SKAP2: variants seen among roughly 807,000 people sequenced by gnomAD.
SKAP2 encodes the protein src kinase-associated phosphoprotein 2.
A neutral mutation model predicts 54.9 loss-of-function variants in SKAP2; 28 were observed. That is an observed-to-expected ratio of 0.51 (90% CI 0.38 to 0.70). SKAP2 has a LOEUF of 0.70. SKAP2 is among the 30% of genes least tolerant of loss of function. The pLI is 0.00. For missense variants in SKAP2, 356 were observed against 424.1 expected (o/e 0.84, Z 1.41); for synonymous variants, 137 against 134.3 (o/e 1.02, Z -0.14).
chr7:26,806,206 A>G (rs1784021190), intron 4 of SKAP2, among the ~76,000 whole-genome samples: 1 of 152,170 alleles, frequency 6.6e-6, no homozygotes, highest in Non-Finnish European at 1.5e-5. Flanking sequence ...AATTAGGCCA[A>G]TTAATAACCC....
At chr7:26,683,139 T>C (rs1786542675) in intron 11 of SKAP2, among the ~76,000 whole-genome samples, 1 of 152,232 alleles carries the variant, frequency 6.6e-6, no homozygotes, top group Non-Finnish European at 1.5e-5. Context: ...TTATACACAA[T>C]TGCAGCTAAA....
intron 7 of SKAP2, 151 bp downstream of exon 7, chr7:26,726,731 A>T (rs1015857727): frequency 3.4e-6 from 2 of 581,376 alleles, no homozygotes; most frequent in Non-Finnish European, 2.7e-6. Flanking sequence ...ATTTCCTCTT[A>T]TATGAATGTT....
At chr7:26,786,891 G>A (rs1783558509) in intron 4 of SKAP2, among the ~76,000 whole-genome samples, 1 of 151,484 alleles carries the variant, frequency 6.6e-6, no homozygotes, top group Admixed American at 6.6e-5. Flanking sequence ...TTCTTTTTTA[G>A]ACAGCAATTA....
chr7:26,814,203 C>T (rs1291313540), intron 4 of SKAP2, among the ~76,000 whole-genome samples: 6 of 152,120 alleles, frequency 3.9e-5, no homozygotes, highest in Non-Finnish European at 7.4e-5. Flanking sequence ...TGTATGCCTT[C>T]TTAGCTCATT....
chr7:26,726,406 A>G (rs1462430294), intron 7 of SKAP2, among the ~76,000 whole-genome samples: 2 of 152,186 alleles, frequency 1.3e-5, no homozygotes, highest in Non-Finnish European at 2.9e-5. Context: ...AGATATTTAA[A>G]ACTTATTAAA....
At position 26,862,774 on chromosome 7, in the gene SKAP2, T is replaced by G. The variant is rs1403994258; in HGVS notation, c.67+1589A>C. ...ATGATTATGGATCCAAATAACAAAC[T>G]GTACTATGGGAGGTACCAAGCTTTA... On this transcript the variant is annotated intron_variant, in intron 1 of 12. Coordinates refer to ENST00000345317, the MANE Select transcript of SKAP2 (RefSeq NM_003930.5). Among the ~76,000 whole-genome samples, 2 of 152,076 alleles carry G rather than the reference T, an allele frequency of 1.3e-5. 1 individual carries two copies. Among genetic ancestry groups the G allele is most frequent in the East Asian group, 3.9e-4 (2 of 5,194 alleles).
chr7:26,795,042 A>T (rs919059650), intron 4 of SKAP2, among the ~76,000 whole-genome samples: 1 of 152,260 alleles, frequency 6.6e-6, no homozygotes, highest in South Asian at 2.1e-4. Context: ...AATGTTGATC[A>T]TAAGTGGACA....
chr7:26,692,403 A>T (rs1384742977), intron 9 of SKAP2, among the ~76,000 whole-genome samples: 1 of 152,200 alleles, frequency 6.6e-6, no homozygotes. Context: ...TAGAGCAGTC[A>T]GGACTACAGG....
In SKAP2 at chr7:26,833,039, T is replaced by C. The variant is rs975007115; in HGVS notation, c.307+10991A>G. ...CCCAAAGAAGCCTTCTCCATGAGCA[T>C]TGCAACCAAGAGAGAAGCTGAGCAG... is the stretch of plus-strand genomic sequence containing the variant. On this transcript the variant is annotated intron_variant, in intron 4 of 12. Coordinates refer to ENST00000345317, the MANE Select transcript of SKAP2 (RefSeq NM_003930.5). Among the ~76,000 whole-genome samples, 5 of 152,076 alleles carry C rather than the reference T, an allele frequency of 3.3e-5. No homozygotes were observed. The South Asian group carries it at 1.0e-3, about 32-fold the overall frequency.
At chr7:26,670,339 G>C (rs1786201906) in intron 11 of SKAP2, 147 bp from the exon 12 acceptor site, 5 of 546,988 alleles carry the variant, frequency 9.1e-6, no homozygotes, top group Non-Finnish European at 1.6e-5. Context: ...TTTTGTTTCT[G>C]GACACTTTAA....
chr7:26,823,598 G>A (rs1221680813), intron 4 of SKAP2, among the ~76,000 whole-genome samples: 1 of 152,148 alleles, frequency 6.6e-6, no homozygotes, highest in Admixed American at 6.5e-5. Context: ...TAACAGAGAT[G>A]AGAGCTGCAG....
At position 26,744,522 on chromosome 7, in the gene SKAP2, G is replaced by A. The variant is rs1018697899; in HGVS notation, c.308-4558C>T. Among the ~76,000 whole-genome samples, 3 of 152,170 alleles carry A rather than the reference G, an allele frequency of 2.0e-5. No homozygotes were observed. The East Asian group carries it at 5.8e-4, about 29-fold the overall frequency. On this transcript the variant is annotated intron_variant, in intron 4 of 12. Coordinates refer to ENST00000345317, the MANE Select transcript of SKAP2 (RefSeq NM_003930.5). ...AGTAGGCAAGGGAATGGGGGTGAGAGAGAGTTAGAGTTGGGGGAGAGAGAG... is the reference window on the plus strand; with the variant it reads ...AGTAGGCAAGGGAATGGGGGTGAGAAAGAGTTAGAGTTGGGGGAGAGAGAG...
intron 4 of SKAP2, among the ~76,000 whole-genome samples, chr7:26,833,024 C>G (rs1019552100): frequency 6.6e-5 from 10 of 152,136 alleles, no homozygotes; most frequent in African/African-American, 2.2e-4. Context: ...CCCAAAGAAG[C>G]CTTCTCCATG....
chr7:26,770,069 G>A (rs1190242596), intron 4 of SKAP2, among the ~76,000 whole-genome samples: 1 of 152,148 alleles, frequency 6.6e-6, no homozygotes, highest in Non-Finnish European at 1.5e-5. Flanking sequence ...CATTCCCCCA[G>A]GTGCTCTATC....
intron 4 of SKAP2, among the ~76,000 whole-genome samples, chr7:26,831,946 C>T (rs1017673532): frequency 6.6e-6 from 1 of 152,164 alleles, no homozygotes; most frequent in East Asian, 1.9e-4. Flanking sequence ...GTTCATCAAA[C>T]TATGGTCATT....
At chr7:26,769,665 T>G (rs191290318) in intron 4 of SKAP2, among the ~76,000 whole-genome samples, 7 of 152,352 alleles carry the variant, frequency 4.6e-5, no homozygotes, top group Admixed American at 3.3e-4. Context: ...TTGTTGATGT[T>G]GAAGCCATTG....
chr7:26,804,648 A>C (rs1183857167), intron 4 of SKAP2, among the ~76,000 whole-genome samples: 1 of 151,762 alleles, frequency 6.6e-6, no homozygotes, highest in Non-Finnish European at 1.5e-5. Context: ...CTGAGGCAGG[A>C]GAATCACTTG....
intron 7 of SKAP2, among the ~76,000 whole-genome samples, chr7:26,726,474 CT>C (rs2127956266): frequency 6.6e-6 from 1 of 152,216 alleles, no homozygotes; most frequent in Non-Finnish European, 1.5e-5. Context: ...CTGATGTGTA[CT>C]TTTACCTTCA....
At chr7:26,782,136 G>A (rs1181139708) in intron 4 of SKAP2, among the ~76,000 whole-genome samples, 1 of 152,160 alleles carries the variant, frequency 6.6e-6, no homozygotes, top group African/African-American at 2.4e-5. Context: ...TATAGCAGGA[G>A]TCTGATGACT....
Sources: allele counts gnomAD v4.1 joint callset (sites outside exome capture counted in the v4.1 genomes callset), GRCh38; gene constraint gnomAD v4.1.1; transcripts MANE v1.5; gene names NCBI Gene and HGNC (gene_info 2026-07-23, HGNC 2026-07-21).